Variants in NDFIP2 observed in about 807,000 individuals in gnomAD.
The protein encoded by NDFIP2 is Nedd4 family interacting protein 2, also known as NEDD4 family-interacting protein 2.
NDFIP2 carries 19 observed loss-of-function variants against 36.0 expected under a neutral mutation model. The ratio of observed to expected loss-of-function variants is 0.53; its 90% CI spans 0.37 to 0.77. NDFIP2 has a LOEUF of 0.77. Ranked by LOEUF, NDFIP2 falls within the 30% of genes least tolerant of loss-of-function variation. The pLI, the probability that NDFIP2 is intolerant of heterozygous loss-of-function variation, is 0.00. For missense variants in NDFIP2, 446 were observed against 435.8 expected (o/e 1.02, Z -0.21); for synonymous variants, 181 against 167.7 (o/e 1.08, Z -0.61).
intron 1 of NDFIP2, among the ~76,000 whole-genome samples, chr13:79,511,647 G>A (rs1874087670): frequency 6.6e-6 from 1 of 152,140 alleles, no homozygotes; most frequent in Non-Finnish European, 1.5e-5. Context: ...CCATTTCCAT[G>A]AGGGAAAAAC....
chr13:79,554,944 CAA>C lies in NDFIP2; in HGVS notation c.*2432_*2433del, dbSNP rs1876053041. The C allele has an allele frequency of 6.6e-6, 1 of 151,752 alleles. No homozygotes were observed. Among genetic ancestry groups the C allele is most frequent in the Non-Finnish European group, 1.5e-5 (1 of 67,816 alleles). The allele number at this position is 151,752 out of a possible 1,614,324, so 9.4% of individuals were successfully genotyped here. A position where few individuals can be genotyped will look rare whatever the true frequency, so the allele number is the denominator to read the frequency against. ...AATAAACTGAATTTTAAGGCAAAAA[CAA>C]CACTTTTCTATATAGTGTATGCAGG... is the stretch of plus-strand genomic sequence containing the variant. On this transcript the variant is annotated 3_prime_UTR_variant, in exon 8 of 8. Coordinates refer to ENST00000218652, the MANE Select transcript of NDFIP2 (RefSeq NM_019080.3).
chr13:79,542,514 T>C (rs1246766510), intron 4 of NDFIP2, among the ~76,000 whole-genome samples: 3 of 151,686 alleles, frequency 2.0e-5, no homozygotes, highest in Non-Finnish European at 2.9e-5. Flanking sequence ...TGTTTTTTGT[T>C]TTTTTTTTCA....
intron 3 of NDFIP2, among the ~76,000 whole-genome samples, chr13:79,535,663 G>A (rs1167723435): frequency 6.6e-6 from 1 of 152,170 alleles, no homozygotes; most frequent in African/African-American, 2.4e-5. Context: ...CTAACCCGGT[G>A]CTTCAGCACC....
intron 1 of NDFIP2, among the ~76,000 whole-genome samples, chr13:79,506,214 C>G (rs1036623175): frequency 4.6e-5 from 7 of 152,058 alleles, no homozygotes; most frequent in Non-Finnish European, 1.0e-4. Flanking sequence ...AAAGAAAATA[C>G]AACTTGTAAG....
intron 1 of NDFIP2, among the ~76,000 whole-genome samples, chr13:79,508,526 G>T (rs1873955771): frequency 6.6e-6 from 1 of 152,220 alleles, no homozygotes; most frequent in Non-Finnish European, 1.5e-5. Context: ...ACCACATAGG[G>T]TAACTTCCTG....
In NDFIP2 at chr13:79,553,255, T is replaced by C. The variant is rs2137122964; in HGVS notation, c.*742T>C. The C allele has an allele frequency of 6.6e-6, 1 of 151,418 alleles. No individual in the cohort carries two copies. Among genetic ancestry groups the C allele is most frequent in the East Asian group, 1.9e-4 (1 of 5,180 alleles). The allele number at this position is 151,418 out of a possible 1,614,324, so 9.4% of individuals were successfully genotyped here. Reference sequence around the variant, plus strand: ...AGAAACGTGAGTGTTAAAGATAGAATTTGTTTTAGGACAAATTTTAAGAAA... The same window carrying C: ...AGAAACGTGAGTGTTAAAGATAGAACTTGTTTTAGGACAAATTTTAAGAAA... On this transcript the variant is annotated 3_prime_UTR_variant, in exon 8 of 8. Transcript: ENST00000218652.
chr13:79,500,949 C>T (rs746300705), intron 1 of NDFIP2, among the ~76,000 whole-genome samples: 2 of 151,872 alleles, frequency 1.3e-5, no homozygotes, highest in Non-Finnish European at 2.9e-5. Context: ...ATGGATAAAC[C>T]GTGAGACATA....
intron 1 of NDFIP2, among the ~76,000 whole-genome samples, chr13:79,486,658 G>A (rs1873004994): frequency 6.6e-6 from 1 of 152,174 alleles, no homozygotes; most frequent in African/African-American, 2.4e-5. Context: ...GCAAACTGTG[G>A]TCCAACTCCT....
rs1594863061 is a variant in NDFIP2 at position 79,552,977 on chromosome 13, C to T, written c.*464C>T. 1 of 151,754 alleles carries T rather than the reference C, an allele frequency of 6.6e-6. No individual in the cohort carries two copies. The highest frequency in any genetic ancestry group is 2.4e-5 in the African/African-American group (1 of 41,354). 9.4% of individuals were successfully genotyped at this position (151,754 alleles called of 1,614,324 possible). A position where few individuals can be genotyped will look rare whatever the true frequency, so the allele number is the denominator to read the frequency against. Reference sequence around the variant, plus strand: ...TCATCTGGCAGTTCTACACATGAAACATCTTTTGTTATATAAGGTGTATTG... The same window carrying T: ...TCATCTGGCAGTTCTACACATGAAATATCTTTTGTTATATAAGGTGTATTG... On this transcript the variant is annotated 3_prime_UTR_variant, in exon 8 of 8. Transcript: ENST00000218652.
chr13:79,503,386 A>AACTGCACC (rs1873740737), intron 1 of NDFIP2, among the ~76,000 whole-genome samples: 3 of 152,164 alleles, frequency 2.0e-5, no homozygotes, highest in Admixed American at 2.0e-4. Context: ...GGATAAGCGG[A>AACTGCACC]CTAGAGAATT....
At chr13:79,489,837 A>G (rs900295150) in intron 1 of NDFIP2, among the ~76,000 whole-genome samples, 5 of 152,214 alleles carry the variant, frequency 3.3e-5, no homozygotes, top group African/African-American at 1.2e-4. Flanking sequence ...TCATAGAAGA[A>G]TGGAACTGTC....
intron 1 of NDFIP2, among the ~76,000 whole-genome samples, chr13:79,520,109 A>G (rs1874510359): frequency 6.6e-6 from 1 of 152,150 alleles, no homozygotes; most frequent in South Asian, 2.1e-4. Context: ...CCTTGCTTTA[A>G]TAATTTTTTT....
intron 1 of NDFIP2, among the ~76,000 whole-genome samples, chr13:79,501,663 C>G (rs1209515204): frequency 6.6e-6 from 1 of 152,106 alleles, no homozygotes; most frequent in Non-Finnish European, 1.5e-5. Flanking sequence ...TGGCATATAA[C>G]ACTTTGATGG....
chr13:79,546,507 C>T (rs1875686763), intron 5 of NDFIP2, among the ~76,000 whole-genome samples: 1 of 152,078 alleles, frequency 6.6e-6, no homozygotes, highest in South Asian at 2.1e-4. Context: ...ATTTCTCTAG[C>T]CTGTGACTGG....
At chr13:79,506,321 A>G (rs1284806954) in intron 1 of NDFIP2, among the ~76,000 whole-genome samples, 1 of 151,952 alleles carries the variant, frequency 6.6e-6, no homozygotes, top group African/African-American at 2.4e-5. Flanking sequence ...TCACAGACAC[A>G]CACAGACACA....
At chr13:79,490,980 G>A (rs921621198) in intron 1 of NDFIP2, among the ~76,000 whole-genome samples, 4 of 152,118 alleles carry the variant, frequency 2.6e-5, no homozygotes, top group African/African-American at 9.7e-5. Context: ...GCCTCATTGA[G>A]GTCATTCTTG....
intron 1 of NDFIP2, among the ~76,000 whole-genome samples, chr13:79,496,672 T>G (rs1566655078): frequency 1.3e-5 from 2 of 151,296 alleles, no homozygotes; most frequent in Non-Finnish European, 3.0e-5. Flanking sequence ...AAATTCCACA[T>G]AAAAAAAACT....
At chr13:79,547,610 C>G (rs1292511394) in intron 5 of NDFIP2, among the ~76,000 whole-genome samples, 4 of 152,188 alleles carry the variant, frequency 2.6e-5, no homozygotes, top group African/African-American at 9.6e-5. Context: ...GAAAGGATAA[C>G]TGTGTCCAAT....
At chr13:79,499,101 C>G (rs780179361) in intron 1 of NDFIP2, among the ~76,000 whole-genome samples, 2 of 151,858 alleles carry the variant, frequency 1.3e-5, no homozygotes, top group African/African-American at 2.4e-5. Context: ...ATTCAAGATT[C>G]AAAAATTAAT....
Sources: allele counts gnomAD v4.1 joint callset (sites outside exome capture counted in the v4.1 genomes callset), GRCh38; gene constraint gnomAD v4.1.1; transcripts MANE v1.5; gene names NCBI Gene and HGNC (gene_info 2026-07-23, HGNC 2026-07-21).